BIN1: variants seen among roughly 807,000 people sequenced by gnomAD.
BIN1 encodes bridging integrator 1, also known as myc box-dependent-interacting protein 1.
Under a neutral mutation model 82.0 loss-of-function variants are expected in BIN1, and 53 were observed. The observed-to-expected ratio is 0.65, with a 90% CI of 0.52 to 0.81. BIN1 has a LOEUF of 0.81. Ranked by LOEUF, BIN1 falls within the 40% of genes least tolerant of loss-of-function variation. The probability of loss-of-function intolerance (pLI) is 0.00; values close to 1 mark genes in which losing one functional copy is unlikely to be tolerated. For missense variants in BIN1, 642 were observed against 784.4 expected, an observed-to-expected ratio of 0.82 and a Z score of 2.17; for synonymous variants, 302 against 328.0, an observed-to-expected ratio of 0.92 and a Z score of 0.86.
rs1683816563 is a variant in BIN1 at position 127,057,283 on chromosome 2, A to G, written c.1131+190T>C. On this transcript the variant is annotated intron_variant, in intron 12 of 18. Coordinates refer to ENST00000316724, the MANE Select transcript of BIN1 (RefSeq NM_139343.3). The surrounding 1 kb of genome is among the most constrained non-coding windows in gnomAD (Gnocchi z 5.0). ...GTGGCCCTGCATCTGGCCTTAGTACATGCTCAGAGATGGGTGATGGAGGAT... is the reference window on the plus strand; with the variant it reads ...GTGGCCCTGCATCTGGCCTTAGTACGTGCTCAGAGATGGGTGATGGAGGAT... Among the ~76,000 whole-genome samples, 5 of 152,208 alleles carry G rather than the reference A, an allele frequency of 3.3e-5. No individual in the cohort carries two copies. Among genetic ancestry groups the G allele is most frequent in the Admixed American group, 3.3e-4 (5 of 15,290 alleles).
intron 1 of BIN1, among the ~76,000 whole-genome samples, chr2:127,101,006 T>A (rs11682226): frequency 2.7e-5 from 3 of 109,270 alleles, no homozygotes; most frequent in Non-Finnish European, 5.7e-5. Flanking sequence ...GTGCGGGGGG[T>A]GGGGATAGAC....
chr2:127,084,859 C>T (rs932624925), intron 1 of BIN1, among the ~76,000 whole-genome samples: 3 of 152,204 alleles, frequency 2.0e-5, no homozygotes, highest in Admixed American at 2.0e-4. Flanking sequence ...GGCACCTGCC[C>T]CAGGCTGGTG....
chr2:127,051,556 G>A (rs766153400), intron 15 of BIN1, among the ~76,000 whole-genome samples: 19 of 152,052 alleles, frequency 1.2e-4, no homozygotes, highest in South Asian at 8.3e-4. Flanking sequence ...CTGCTCTCTC[G>A]GCACCAAGAC....
chr2:127,061,832 G>A (rs1270158679), intron 10 of BIN1, among the ~76,000 whole-genome samples: 1 of 152,136 alleles, frequency 6.6e-6, no homozygotes, highest in Admixed American at 6.5e-5. Flanking sequence ...CCCCAACCCT[G>A]GATGCTCGTG....
chr2:127,103,915 G>A lies in BIN1; in HGVS notation c.84+2945C>T, dbSNP rs367624505. 1.6e-3 allele frequency among the ~76,000 whole-genome samples: 237 copies of A among 152,370 alleles called. 1 individual carries two copies. Among genetic ancestry groups the A allele is most frequent in the Middle Eastern group, 0.014 (4 of 294 alleles). The stretch of plus-strand genomic sequence containing the variant: ...TCCCAGCACACACAGTGCACCCCAC[G>A]CATTCCGGGGGCAGTGGCCAGGGGG... On this transcript the variant is annotated intron_variant, in intron 1 of 18. Coordinates refer to ENST00000316724, the MANE Select transcript of BIN1 (RefSeq NM_139343.3).
Position 127,101,217 on chromosome 2 carries a change from C to T in BIN1, c.84+5643G>A, listed in dbSNP as rs375226555. Among the ~76,000 whole-genome samples, 190 of 152,278 alleles carry T rather than the reference C, an allele frequency of 1.2e-3. 7 individuals are homozygous for T. In the South Asian group the frequency reaches 0.038, roughly 30 times the overall value. On this transcript the variant is annotated intron_variant, in intron 1 of 18. Transcript: ENST00000316724. ...TGCACAAACACCCAGCGAGGCTGCA[C>T]ATCTGCACTCTTAATCCTAAAAGGA...
intron 2 of BIN1, among the ~76,000 whole-genome samples, chr2:127,074,707 G>A (rs1225368194): frequency 6.6e-6 from 1 of 152,038 alleles, no homozygotes; most frequent in African/African-American, 2.4e-5. Context: ...TTTTTTGTTT[G>A]TTTGTTTGTT....
Position 127,068,974 on chromosome 2 carries a change from A to C in BIN1, c.469T>G (p.Tyr157Asp). 1 of 1,614,150 alleles carries C rather than the reference A, an allele frequency of 6.2e-7. No homozygotes were observed. Among genetic ancestry groups the C allele is most frequent in the Non-Finnish European group, 8.5e-7 (1 of 1,180,004 alleles). Residue 157 changes from tyrosine to aspartate, a missense_variant, in exon 6 of 19, where the codon TAC (tyrosine) becomes GAC (aspartate). Coordinates refer to ENST00000316724, the MANE Select transcript of BIN1 (RefSeq NM_139343.3). The surrounding 1 kb of genome is among the most constrained non-coding windows in gnomAD (Gnocchi z 4.9). ...TTTTTGGCAGTTTGAAGGGACTCGT[A>C]GTGGTGCCGGGCACTGTCGTAGTCC... ...LVDYDSARHH[Y>D]ESLQTAKKKD...
chr2:127,053,281 T>C (rs1191958984), intron 14 of BIN1, 141 bp downstream of exon 14: 2 of 1,257,354 alleles, frequency 1.6e-6, no homozygotes, highest in South Asian at 1.3e-5. Context: ...TCCCTGTGCG[T>C]GAGCACGTGC....
In BIN1 at chr2:127,059,472, C is replaced by T. The variant is rs551146871; in HGVS notation, c.858-317G>A. 3.2e-3 allele frequency among the ~76,000 whole-genome samples: 491 copies of T among 152,108 alleles called. 5 individuals are homozygous for T. The highest frequency in any genetic ancestry group is 9.9e-3 in the African/African-American group (410 of 41,466). On this transcript the variant is annotated intron_variant, in intron 10 of 18. Coordinates refer to ENST00000316724, the MANE Select transcript of BIN1 (RefSeq NM_139343.3). This position sits in a 1 kb window ranked among gnomAD's most constrained non-coding sequence, Gnocchi z 6.7. The stretch of plus-strand genomic sequence containing the variant: ...CATCTGTCGCAGAGACCAGACCAAC[C>T]ACCCCACAGGCTCCATGGGGTCCAC...
At position 127,049,411 on chromosome 2, in the gene BIN1, C is replaced by T. The variant is rs149139146; in HGVS notation, c.1675-778G>A. On this transcript the variant is annotated intron_variant, in intron 18 of 18. Coordinates refer to ENST00000316724, the MANE Select transcript of BIN1 (RefSeq NM_139343.3). ...AAATCAGTGCCAGGCCCACAAGGTC[C>T]TCATCACTCAGGCCTCCTGCCCCGG... Among the ~76,000 whole-genome samples the T allele has an allele frequency of 2.9e-3, 443 of 152,238 alleles. 3 individuals carry two copies. The highest frequency in any genetic ancestry group is 1.0e-2 in the African/African-American group (414 of 41,546).
chr2:127,106,709 A>G, intron 1 of BIN1, 151 bp downstream of exon 1: 1 of 912,162 alleles, frequency 1.1e-6, no homozygotes, highest in Non-Finnish European at 1.6e-6. Flanking sequence ...CAGCCTGGGG[A>G]CCTCGAAGCC....
intron 8 of BIN1, 93 bp from the exon 9 acceptor site, chr2:127,063,739 TCAGAGGCACAAAC>T: frequency 6.8e-7 from 1 of 1,461,784 alleles, no homozygotes; most frequent in Non-Finnish European, 9.5e-7. Context: ...CACACGCTCA[TCAGAGGCACAAAC>T]CAGAGAGGGC....
At chr2:127,092,460 G>A (rs1275474549) in intron 1 of BIN1, among the ~76,000 whole-genome samples, 2 of 152,138 alleles carry the variant, frequency 1.3e-5, no homozygotes, top group East Asian at 3.9e-4. Context: ...GAGCAACAGG[G>A]CCCACAGAGG....
At chr2:127,074,991 G>A (rs1268958500) in intron 2 of BIN1, among the ~76,000 whole-genome samples, 1 of 152,152 alleles carries the variant, frequency 6.6e-6, no homozygotes, top group East Asian at 1.9e-4. Context: ...GTGAGCTACA[G>A]TGCCCGGCCA....
chr2:127,087,012 T>C (rs1678262981), intron 1 of BIN1, among the ~76,000 whole-genome samples: 1 of 152,234 alleles, frequency 6.6e-6, no homozygotes, highest in Non-Finnish European at 1.5e-5. Context: ...CACTCTAAAA[T>C]GATGATCTCC....
intron 10 of BIN1, chr2:127,060,622 A>C (rs765603518): frequency 1.2e-6 from 2 of 1,614,222 alleles, no homozygotes; most frequent in South Asian, 2.2e-5. Flanking sequence ...GCAGCCGCGA[A>C]AACAGTTTAC....
At chr2:127,064,275 AG>A (rs1246093392) in intron 7 of BIN1, among the ~76,000 whole-genome samples, 5 of 152,228 alleles carry the variant, frequency 3.3e-5, no homozygotes, top group African/African-American at 4.8e-5. Flanking sequence ...CCGGGAGGGC[AG>A]TGAGCGTGGA....
chr2:127,060,611 C>T (rs772718657), intron 10 of BIN1: 33 of 1,614,084 alleles, frequency 2.0e-5, no homozygotes, highest in African/African-American at 2.7e-5. Flanking sequence ...CTTCTTTCTG[C>T]GCAGCCGCGA....
Sources: allele counts gnomAD v4.1 joint callset (sites outside exome capture counted in the v4.1 genomes callset), GRCh38; gene constraint gnomAD v4.1.1; non-coding constraint Gnocchi (gnomAD v3.1); transcripts MANE v1.5; gene names NCBI Gene and HGNC (gene_info 2026-07-23, HGNC 2026-07-21).